DCDC2: variants seen among roughly 807,000 people sequenced by gnomAD.
DCDC2 encodes the protein doublecortin domain-containing protein 2.
In DCDC2, 40 loss-of-function variants were observed where a neutral mutation model predicts 50.2. That is an observed-to-expected ratio of 0.80 (90% CI 0.62 to 1.04). The LOEUF (loss-of-function observed/expected upper bound fraction) is 1.04. Among genes scored for constraint, DCDC2 ranks in the 50% least tolerant of loss-of-function variants. The pLI, the probability that DCDC2 is intolerant of heterozygous loss-of-function variation, is 0.00. For missense variants in DCDC2, 570 were observed against 581.9 expected (o/e 0.98, Z 0.21); for synonymous variants, 234 against 210.6 (o/e 1.11, Z -0.96).
At chr6:24,223,089 G>A (rs1479973748) in intron 7 of DCDC2, among the ~76,000 whole-genome samples, 1 of 152,122 alleles carries the variant, frequency 6.6e-6, no homozygotes, top group African/African-American at 2.4e-5. Flanking sequence ...GGTTTAAATG[G>A]AACATGGCAA....
At chr6:24,354,247 G>A (rs1179965201) in intron 1 of DCDC2, among the ~76,000 whole-genome samples, 2 of 152,096 alleles carry the variant, frequency 1.3e-5, no homozygotes, top group African/African-American at 2.4e-5. Flanking sequence ...CCTGAAAACT[G>A]TATACCTTTG....
chr6:24,344,231 A>G (rs1392344876), intron 2 of DCDC2, among the ~76,000 whole-genome samples: 1 of 152,192 alleles, frequency 6.6e-6, no homozygotes, highest in Non-Finnish European at 1.5e-5. Flanking sequence ...AACAAAAGAA[A>G]TTCTGTCATT....
the DCDC2 span, among the ~76,000 whole-genome samples, chr6:24,368,909 G>A: frequency 6.6e-6 from 1 of 151,958 alleles, no homozygotes; most frequent in South Asian, 2.1e-4. Flanking sequence ...TGAGGCGGGC[G>A]GATCATTTGA....
intron 2 of DCDC2, among the ~76,000 whole-genome samples, chr6:24,328,942 T>C (rs1017431841): frequency 6.6e-6 from 1 of 152,222 alleles, no homozygotes; most frequent in East Asian, 1.9e-4. Context: ...TATTTCTTGA[T>C]AACCACAGCT....
chr6:24,267,018 A>G (rs150944382), intron 7 of DCDC2, among the ~76,000 whole-genome samples: 1 of 152,316 alleles, frequency 6.6e-6, no homozygotes, highest in East Asian at 1.9e-4. Context: ...CATGGATGGA[A>G]CTGGAGGTCA....
At chr6:24,175,440 A>G (rs900937069) in intron 9 of DCDC2, among the ~76,000 whole-genome samples, 6 of 152,210 alleles carry the variant, frequency 3.9e-5, no homozygotes, top group Middle Eastern at 3.2e-3. Context: ...GATTAGAACC[A>G]GCAGGTTTGC....
intron 7 of DCDC2, among the ~76,000 whole-genome samples, chr6:24,211,640 C>G (rs1314685090): frequency 6.6e-6 from 1 of 152,108 alleles, no homozygotes; most frequent in Non-Finnish European, 1.5e-5. Flanking sequence ...GCAAACAAGA[C>G]TTGAGCCACC....
chr6:24,245,397 A>G (rs927166649), intron 7 of DCDC2, among the ~76,000 whole-genome samples: 2 of 152,206 alleles, frequency 1.3e-5, no homozygotes, highest in African/African-American at 4.8e-5. Flanking sequence ...CCACTAGACC[A>G]GAAAGTAGAA....
chr6:24,232,022 CACACACAT>C (rs762575092), intron 7 of DCDC2, among the ~76,000 whole-genome samples: 7,756 of 148,630 alleles, frequency 0.052, 266 homozygotes, highest in African/African-American at 0.11. Context: ...CACACACACA[CACACACAT>C]ACACACATAC....
chr6:24,215,852 G>A (rs566571106), intron 7 of DCDC2, among the ~76,000 whole-genome samples: 1 of 152,214 alleles, frequency 6.6e-6, no homozygotes, highest in South Asian at 2.1e-4. Context: ...AGGATTAACA[G>A]AATGCAACAA....
intron 8 of DCDC2, among the ~76,000 whole-genome samples, chr6:24,204,037 G>A (rs1761649846): frequency 6.6e-6 from 1 of 152,200 alleles, no homozygotes; most frequent in Non-Finnish European, 1.5e-5. Context: ...TACACTGTTG[G>A]TGGGAGTGTA....
chr6:24,178,457 C>T lies in DCDC2; in HGVS notation c.1199G>A (p.Arg400His), dbSNP rs771591530. ...GGTGCCTCCATTTACACGAGCAGGG[C>T]GTGCCTGCTGCTCACTGTGATCCAG... is the stretch of plus-strand genomic sequence containing the variant. ...EILDHSEQQA[R>H]PARVNGGTDE... Residue 400 changes from arginine to histidine, a missense_variant, in exon 9 of 10, where the codon CGC becomes CAC. Transcript: ENST00000378454. 70 of 1,614,046 alleles carry T rather than the reference C, an allele frequency of 4.3e-5. No individual in the cohort carries two copies. In the Admixed American group the frequency reaches 8.5e-4, roughly 20 times the overall value.
At position 24,341,966 on chromosome 6, in the gene DCDC2, A is replaced by AC. The variant is rs397775974; in HGVS notation, c.348+11602_348+11603insG. Among the ~76,000 whole-genome samples the AC allele has an allele frequency of 6.6e-5, 10 of 151,514 alleles. 1 individual carries two copies. Among genetic ancestry groups the AC allele is most frequent in the African/African-American group, 1.9e-4 (8 of 41,254 alleles). ...CACGCGTACACACACACACACACAC[A>AC]AACACACAGAGAATTTGTTCTACAT... On this transcript the variant is annotated intron_variant, in intron 2 of 9. Transcript: ENST00000378454.
chr6:24,237,937 G>C (rs1762482299), intron 7 of DCDC2, among the ~76,000 whole-genome samples: 1 of 151,096 alleles, frequency 6.6e-6, no homozygotes, highest in South Asian at 2.1e-4. Context: ...AAGGAGGGAG[G>C]AGAGCAAGGG....
At chr6:24,326,221 G>T (rs1485950395) in intron 2 of DCDC2, among the ~76,000 whole-genome samples, 1 of 146,732 alleles carries the variant, frequency 6.8e-6, no homozygotes, top group Non-Finnish European at 1.5e-5. Flanking sequence ...AATGAAGGAA[G>T]GAAGGAAGGA....
chr6:24,332,022 C>A (rs545035049), intron 2 of DCDC2, among the ~76,000 whole-genome samples: 1 of 152,260 alleles, frequency 6.6e-6, no homozygotes, highest in South Asian at 2.1e-4. Context: ...AAGGAAGAGA[C>A]CCTGTGTGAA....
the DCDC2 span, among the ~76,000 whole-genome samples, chr6:24,365,379 C>T: frequency 3.3e-5 from 5 of 152,202 alleles, no homozygotes; most frequent in Admixed American, 1.3e-4. Flanking sequence ...GCAACCTCTG[C>T]CTCTCGGGTT....
chr6:24,181,325 T>C (rs551475968), intron 8 of DCDC2, among the ~76,000 whole-genome samples: 1 of 152,212 alleles, frequency 6.6e-6, no homozygotes, highest in South Asian at 2.1e-4. Context: ...AAGTCTCCAA[T>C]CTCTAACAAA....
chr6:24,229,528 G>A (rs1157065309), intron 7 of DCDC2, among the ~76,000 whole-genome samples: 7 of 151,992 alleles, frequency 4.6e-5, no homozygotes, highest in Admixed American at 4.6e-4. Flanking sequence ...AGAATCTTTG[G>A]GGGCCGTTAT....
Sources: gnomAD v4.1 joint callset for allele counts (sites outside exome capture counted in the v4.1 genomes callset) on GRCh38, gnomAD v4.1.1 for gene constraint, MANE v1.5 for transcripts, NCBI Gene and HGNC (gene_info 2026-07-23, HGNC 2026-07-21) for gene names.